The following MEGF11 variants were observed in gnomAD, a reference collection of about 807,000 sequenced individuals.
MEGF11 encodes multiple epidermal growth factor-like domains protein 11.
Under a neutral mutation model 146.6 loss-of-function variants are expected in MEGF11, and 126 were observed. The observed-to-expected ratio is 0.86, with a 90% CI of 0.74 to 1.00. The LOEUF (loss-of-function observed/expected upper bound fraction) is 1.00. Ranked by LOEUF, MEGF11 falls within the 50% of genes least tolerant of loss-of-function variation. MEGF11 has a pLI of 0.00. For missense variants in MEGF11, 1,509 were observed against 1,521.2 expected, an observed-to-expected ratio of 0.99 and a Z score of 0.13; for synonymous variants, 532 against 583.4, an observed-to-expected ratio of 0.91 and a Z score of 1.27.
At chr15:65,943,956 C>T (rs1405725128) in intron 10 of MEGF11, among the ~76,000 whole-genome samples, 1 of 152,160 alleles carries the variant, frequency 6.6e-6, no homozygotes, top group Middle Eastern at 3.2e-3. Flanking sequence ...GTGATGGTGA[C>T]AGTGTCCTAG....
At chr15:66,197,468 G>T (rs533305603) in intron 1 of MEGF11, among the ~76,000 whole-genome samples, 64 of 152,272 alleles carry the variant, frequency 4.2e-4, no homozygotes, top group African/African-American at 1.5e-3. Context: ...TATCGCCCAG[G>T]CTGGAGTGCA....
intron 5 of MEGF11, among the ~76,000 whole-genome samples, chr15:66,083,027 G>A (rs921290564): frequency 1.3e-5 from 2 of 152,170 alleles, no homozygotes; most frequent in Non-Finnish European, 2.9e-5. Flanking sequence ...GGGCTACCAG[G>A]CTGTGGTGTT....
Position 65,898,095 on chromosome 15 carries a change from C to A in MEGF11, c.3263-1G>T, listed in dbSNP as rs781480976. ...TCTTGGACCACACTGACTGTGGGCT[C>A]TAAGAAATATAGTGAAAAATGAGTT... is the stretch of plus-strand genomic sequence containing the variant. On this transcript the variant is annotated splice_acceptor_variant, in intron 25 of 25. Coordinates refer to ENST00000395614, the MANE Select transcript of MEGF11 (RefSeq NM_001385028.1). LOFTEE classifies it high-confidence loss of function. 6.2e-7 allele frequency: 1 copy of A among 1,611,562 alleles called. No individual in the cohort carries two copies. Among genetic ancestry groups the A allele is most frequent in the South Asian group, 1.1e-5 (1 of 90,750 alleles).
intron 1 of MEGF11, among the ~76,000 whole-genome samples, chr15:66,225,124 G>A (rs2091824044): frequency 6.6e-6 from 1 of 152,210 alleles, no homozygotes; most frequent in Admixed American, 6.5e-5. Flanking sequence ...AGAAGGGCCC[G>A]GCCCTGCCAT....
intron 5 of MEGF11, among the ~76,000 whole-genome samples, chr15:65,988,530 T>G (rs561477848): frequency 3.3e-5 from 5 of 152,342 alleles, no homozygotes; most frequent in South Asian, 4.1e-4. Context: ...TGACACTGAG[T>G]TGTTCCACCT....
At chr15:66,047,006 A>G (rs1394105896) in intron 5 of MEGF11, among the ~76,000 whole-genome samples, 2 of 152,208 alleles carry the variant, frequency 1.3e-5, no homozygotes, top group Non-Finnish European at 2.9e-5. Context: ...TACAAAATCA[A>G]TACACACAGA....
intron 1 of MEGF11, among the ~76,000 whole-genome samples, chr15:66,240,482 G>A (rs909084669): frequency 2.6e-5 from 4 of 152,292 alleles, no homozygotes; most frequent in South Asian, 4.1e-4. Flanking sequence ...TATACGAAGC[G>A]ATAAAGACCA....
intron 10 of MEGF11, among the ~76,000 whole-genome samples, chr15:65,946,656 G>A (rs1464107143): frequency 6.6e-6 from 1 of 152,194 alleles, no homozygotes; most frequent in Non-Finnish European, 1.5e-5. Context: ...GCCTCCCAAA[G>A]TGCTGGGATT....
chr15:66,013,528 C>T (rs965459797), intron 5 of MEGF11, among the ~76,000 whole-genome samples: 2 of 152,180 alleles, frequency 1.3e-5, no homozygotes, highest in African/African-American at 4.8e-5. Flanking sequence ...AATCTAATCT[C>T]CACAACTCAC....
intron 1 of MEGF11, among the ~76,000 whole-genome samples, chr15:66,170,947 G>A (rs1329901021): frequency 1.3e-5 from 2 of 152,190 alleles, no homozygotes. Context: ...CCCTGCCCCG[G>A]GGGACCACCA....
chr15:65,907,696 A>T (rs2078670267), intron 23 of MEGF11, among the ~76,000 whole-genome samples: 1 of 152,240 alleles, frequency 6.6e-6, no homozygotes, highest in Non-Finnish European at 1.5e-5. Flanking sequence ...ACTTTATGCC[A>T]GACAAGGGCT....
At chr15:66,131,889 G>T (rs762050267) in intron 1 of MEGF11, among the ~76,000 whole-genome samples, 1 of 151,978 alleles carries the variant, frequency 6.6e-6, no homozygotes, top group Non-Finnish European at 1.5e-5. Context: ...TGATGATAGC[G>T]GCTTAGGAAA....
At chr15:66,174,372 G>A (rs1185602119) in intron 1 of MEGF11, among the ~76,000 whole-genome samples, 2 of 152,148 alleles carry the variant, frequency 1.3e-5, no homozygotes, top group African/African-American at 4.8e-5. Flanking sequence ...ATGTGCCCGA[G>A]ACTTAATCAA....
chr15:66,034,209 C>T (rs1037779369), intron 5 of MEGF11, among the ~76,000 whole-genome samples: 1 of 152,224 alleles, frequency 6.6e-6, no homozygotes, highest in African/African-American at 2.4e-5. Flanking sequence ...CACAATCTCA[C>T]AGCTGGAGGG....
At chr15:65,980,961 G>T in intron 6 of MEGF11, 63 bp from the exon 7 acceptor site, 1 of 1,475,970 alleles carries the variant, frequency 6.8e-7, no homozygotes, top group Non-Finnish European at 9.0e-7. Context: ...GGGCCCCAGT[G>T]CTCCAGGGTT....
intron 5 of MEGF11, among the ~76,000 whole-genome samples, chr15:66,061,112 T>C (rs1276795428): frequency 1.3e-5 from 2 of 152,152 alleles, no homozygotes; most frequent in Non-Finnish European, 2.9e-5. Flanking sequence ...ATTAAAACAA[T>C]GTGACTCCCA....
At chr15:66,210,371 C>T (rs565565440) in intron 1 of MEGF11, among the ~76,000 whole-genome samples, 70 of 152,258 alleles carry the variant, frequency 4.6e-4, no homozygotes, top group African/African-American at 1.6e-3. Context: ...AGTGTTGACC[C>T]TAAGTGCCCT....
At chr15:66,185,158 C>T (rs551937701) in intron 1 of MEGF11, among the ~76,000 whole-genome samples, 2 of 152,256 alleles carry the variant, frequency 1.3e-5, no homozygotes, top group South Asian at 2.1e-4. Context: ...ATGGTCATCC[C>T]TTAGCAATGA....
At chr15:66,099,798 C>G (rs1004354872) in intron 4 of MEGF11, among the ~76,000 whole-genome samples, 1 of 152,178 alleles carries the variant, frequency 6.6e-6, no homozygotes, top group African/African-American at 2.4e-5. Context: ...CCTGAGCATG[C>G]TCAGGCTCAT....
Sources: gnomAD v4.1 joint callset for allele counts (sites outside exome capture counted in the v4.1 genomes callset) on GRCh38, gnomAD v4.1.1 for gene constraint, MANE v1.5 for transcripts, NCBI Gene and HGNC (gene_info 2026-07-23, HGNC 2026-07-21) for gene names.